Variants in KCNH6 observed in about 807,000 individuals in gnomAD.
The protein encoded by KCNH6 is potassium voltage-gated channel subfamily H member 6.
KCNH6 carries 81 observed loss-of-function variants against 83.4 expected under a neutral mutation model. That is an observed-to-expected ratio of 0.97 (90% CI 0.81 to 1.17). The LOEUF is 1.17. KCNH6 is among the 50% of genes most tolerant of loss of function. The pLI is 0.00. For missense variants in KCNH6, 1,203 were observed against 1,290.5 expected, an observed-to-expected ratio of 0.93 and a Z score of 1.04; for synonymous variants, 503 against 545.6, an observed-to-expected ratio of 0.92 and a Z score of 1.09.
chr17:63,545,569 G>A, intron 12 of KCNH6, 40 bp from the exon 13 acceptor site: 1 of 1,584,436 alleles, frequency 6.3e-7, no homozygotes, highest in Non-Finnish European at 8.6e-7. Context: ...TTAACCCGCA[G>A]CCTGGCCTGG....
At chr17:63,530,029 A>C in intron 2 of KCNH6, 62 bp from the exon 3 acceptor site, 1 of 1,568,828 alleles carries the variant, frequency 6.4e-7, no homozygotes, top group Non-Finnish European at 8.7e-7. Flanking sequence ...TTCCCTAGCC[A>C]GGCCACTGCA....
Position 63,536,052 on chromosome 17 carries a change from C to T in KCNH6, c.1485C>T (p.Cys495=), listed in dbSNP as rs765272133. Residue 495 remains cysteine, a synonymous_variant, in exon 6 of 13, where the codon TGC becomes TGT. Transcript: ENST00000314672. ...NTNSEKVFSI[C]VMLIGSLMYA... ...ACTCCGAGAAGGTCTTCTCCATCTGCGTCATGCTCATCGGCTGTGAGTGAG... is the reference window on the plus strand; with the variant it reads ...ACTCCGAGAAGGTCTTCTCCATCTGTGTCATGCTCATCGGCTGTGAGTGAG... 160 of 1,613,086 alleles carry T rather than the reference C, an allele frequency of 9.9e-5. No homozygotes were observed. Among genetic ancestry groups the T allele is most frequent in the Non-Finnish European group, 1.3e-4 (153 of 1,179,788 alleles).
chr17:63,531,227 G>A (rs899002175), intron 4 of KCNH6, among the ~76,000 whole-genome samples: 1 of 152,240 alleles, frequency 6.6e-6, no homozygotes, highest in African/African-American at 2.4e-5. Context: ...AGGGAAATGC[G>A]AGGAGCCCTG....
intron 2 of KCNH6, among the ~76,000 whole-genome samples, chr17:63,527,176 C>T (rs1186847333): frequency 6.6e-6 from 1 of 152,194 alleles, no homozygotes; most frequent in Non-Finnish European, 1.5e-5. Context: ...GGGACTTCTC[C>T]AGTCCTCAGC....
chr17:63,536,827 A>C (rs954959274), intron 6 of KCNH6, among the ~76,000 whole-genome samples: 1 of 139,528 alleles, frequency 7.2e-6, no homozygotes, highest in East Asian at 2.2e-4. Context: ...GGTGGTACAC[A>C]CCTGTAATCC....
At chr17:63,536,220 G>C (rs1339102765) in intron 6 of KCNH6, 152 bp downstream of exon 6, 7 of 714,000 alleles carry the variant, frequency 9.8e-6, no homozygotes, top group Non-Finnish European at 1.6e-5. Context: ...AATTTTTGCT[G>C]GTGTGTGCAC....
At position 63,523,446 on chromosome 17, in the gene KCNH6, A is replaced by G. The variant is rs1320047538; in HGVS notation, c.33A>G (p.Gln11=). Residue 11 remains glutamine (Q), a synonymous_variant, in exon 1 of 13, where the codon CAA becomes CAG. Coordinates refer to ENST00000314672, the MANE Select transcript of KCNH6 (RefSeq NM_001278919.2). The surrounding 1 kb of genome is among the most constrained non-coding windows in gnomAD (Gnocchi z 4.2). ...TCCGCAGGGGCCACGTCGCTCCCCA[A>G]AACACTTACCTGGACACCATCATCC... MPVRRGHVAP[Q]NTYLDTIIRK... is the part of the protein sequence containing the mutation. 6.2e-6 allele frequency: 10 copies of G among 1,606,456 alleles called. No individual in the cohort carries two copies. Among genetic ancestry groups the G allele is most frequent in the Non-Finnish European group, 8.5e-6 (10 of 1,176,488 alleles).
Position 63,524,293 on chromosome 17 carries a change from C to T in KCNH6, c.231C>T (p.Ser77=), listed in dbSNP as rs780457671. The change falls in exon 2 of 13, where the codon AGC becomes AGT. Residue 77 remains serine (S), a synonymous_variant. Transcript: ENST00000314672. ...TCACAGGCCCCAACACACCAAGCAG[C>T]GCCGTGTCCCGCCTAGCGCAGGCCC... ...DFLTGPNTPS[S]AVSRLAQALL... 1.5e-5 allele frequency: 25 copies of T among 1,613,892 alleles called. No individual in the cohort carries two copies. The highest frequency in any genetic ancestry group is 6.6e-5 in the South Asian group (6 of 91,084).
downstream of KCNH6, among the ~76,000 whole-genome samples, chr17:63,546,966 G>A (rs1295045558): frequency 2.6e-5 from 4 of 152,168 alleles, no homozygotes; most frequent in East Asian, 7.7e-4. Flanking sequence ...CAACACTTCG[G>A]TAGCACTCGC....
At chr17:63,526,381 C>T (rs572852004) in intron 2 of KCNH6, among the ~76,000 whole-genome samples, 2 of 146,182 alleles carry the variant, frequency 1.4e-5, no homozygotes, top group East Asian at 4.0e-4. Context: ...ACTCTGACCT[C>T]ATATAATCCT....
Position 63,524,357 on chromosome 17 carries a change from T to C in KCNH6, c.295T>C (p.Tyr99His). Reference sequence around the variant, plus strand: ...GGAGTGCAAGGTGGACATCCTCTACTACCGCAAGGATGGTGAGGCATACTC... The same window carrying C: ...GGAGTGCAAGGTGGACATCCTCTACCACCGCAAGGATGGTGAGGCATACTC... ...AEECKVDILY[Y>H]RKDASSFRCL... The change falls in exon 2 of 13, where the codon TAC (tyrosine) becomes CAC (histidine). Residue 99 changes from tyrosine (Y) to histidine (H), a missense_variant. By Grantham distance (83) the Tyr-to-His change is moderately conservative. Transcript: ENST00000314672. 1 of 1,612,586 alleles carries C rather than the reference T, an allele frequency of 6.2e-7. No individual in the cohort carries two copies. The highest frequency in any genetic ancestry group is 8.5e-7 in the Non-Finnish European group (1 of 1,179,096).
chr17:63,524,107 A>G lies in KCNH6; in HGVS notation c.77-32A>G, dbSNP rs114176992. 4,398 of 1,500,998 alleles carry G rather than the reference A, an allele frequency of 2.9e-3. 116 individuals are homozygous for G. The African/African-American group carries it at 0.053, about 18-fold the overall frequency. The allele number at this position is 1,500,998 out of a possible 1,614,324, so 93.0% of individuals were successfully genotyped here. ...TCCCAGCCGCTGGATCCTGGCTCCC[A>G]TGGACTTTTTGCCTCCCACCTCCCA... On this transcript the variant is annotated intron_variant, in intron 1 of 12. Coordinates refer to ENST00000314672, the MANE Select transcript of KCNH6 (RefSeq NM_001278919.2).
chr17:63,536,025 C>T lies in KCNH6; in HGVS notation c.1458C>T (p.Thr486=), dbSNP rs577627049. Residue 486 remains threonine, a synonymous_variant, in exon 6 of 13, where the codon ACC becomes ACT. Transcript: ENST00000314672. ...SVGFGNVSPN[T]NSEKVFSICV... ...GCTTCGGCAATGTCTCGCCCAACAC[C>T]AACTCCGAGAAGGTCTTCTCCATCT... 9 of 1,613,782 alleles carry T rather than the reference C, an allele frequency of 5.6e-6. No homozygotes were observed. The South Asian group carries it at 8.8e-5, about 16-fold the overall frequency.
At chr17:63,537,486 G>A (rs2032571267) in intron 6 of KCNH6, among the ~76,000 whole-genome samples, 1 of 152,202 alleles carries the variant, frequency 6.6e-6, no homozygotes, top group South Asian at 2.1e-4. Flanking sequence ...CCAGGCTGGA[G>A]CTCAGTGGCA....
intron 2 of KCNH6, among the ~76,000 whole-genome samples, chr17:63,528,289 C>T (rs1007238592): frequency 1.3e-5 from 2 of 152,194 alleles, no homozygotes; most frequent in Non-Finnish European, 2.9e-5. Flanking sequence ...GCCTATAGCA[C>T]TATGTGCCCA....
At position 63,538,215 on chromosome 17, in the gene KCNH6, A is replaced by G. The variant is rs1168306234; in HGVS notation, c.1652A>G (p.Glu551Gly). 4 of 1,614,162 alleles carry G rather than the reference A, an allele frequency of 2.5e-6. No homozygotes were observed. In the Admixed American group the frequency reaches 5.0e-5, roughly 20 times the overall value. ...IPNPLRQRLEEYFQHAWSYTN... is the reference protein window; with the variant it reads ...IPNPLRQRLEGYFQHAWSYTN... ...AACCCACTGCGCCAGCGCCTGGAGG[A>G]GTATTTCCAGCACGCCTGGTCCTAC... Residue 551 changes from glutamate to glycine, a missense_variant, in exon 7 of 13, where the codon GAG (glutamate) becomes GGG (glycine). By Grantham distance (98) the Glu-to-Gly change is moderately conservative (BLOSUM62 -2). Transcript: ENST00000314672. This position sits in a 1 kb window ranked among gnomAD's most constrained non-coding sequence, Gnocchi z 4.0.
rs749734791 is a variant in KCNH6, at chr17:63,530,207, C to T, written c.424C>T (p.Arg142Cys). The T allele has an allele frequency of 4.2e-5, 68 of 1,614,038 alleles. No individual in the cohort carries two copies. Among genetic ancestry groups the T allele is most frequent in the Non-Finnish European group, 5.1e-5 (60 of 1,180,002 alleles). The change falls in exon 3 of 13, where the codon CGC becomes TGC. Residue 142 changes from arginine (R) to cysteine (C), a missense_variant. Arg to Cys is a radical substitution (Grantham distance 180). Coordinates refer to ENST00000314672, the MANE Select transcript of KCNH6 (RefSeq NM_001278919.2). ...CCAGCTCCTGGCCAAGTGCAGCAGC[C>T]GCAGCTTGTCCCAGCGCCTGTTGTC... ...LAQLLAKCSS[R>C]SLSQRLLSQS...
chr17:63,539,886 A>G (rs1207729930), intron 8 of KCNH6, among the ~76,000 whole-genome samples: 1 of 152,056 alleles, frequency 6.6e-6, no homozygotes, highest in African/African-American at 2.4e-5. Flanking sequence ...AGATCCCTCC[A>G]CAGTTCCCCA....
At chr17:63,543,449 G>A (rs1404531840) in intron 9 of KCNH6, 127 bp from the exon 10 acceptor site, 1 of 677,924 alleles carries the variant, frequency 1.5e-6, no homozygotes, top group African/African-American at 1.8e-5. Context: ...GGGCATCGCT[G>A]CTGTGCCCAG....
Sources: gnomAD v4.1 joint callset for allele counts (sites outside exome capture counted in the v4.1 genomes callset) on GRCh38, gnomAD v4.1.1 for gene constraint, Gnocchi (gnomAD v3.1) non-coding constraint, MANE v1.5 for transcripts, NCBI Gene and HGNC (gene_info 2026-07-23, HGNC 2026-07-21) for gene names.